The following RAB10 variants were observed in gnomAD, a reference collection of about 807,000 sequenced individuals.
RAB10 encodes ras-related protein Rab-10.
In RAB10, 5 loss-of-function variants were observed where a neutral mutation model predicts 25.7. That is an observed-to-expected ratio of 0.19 (90% CI 0.10 to 0.41). The LOEUF is 0.41. RAB10 is among the 10% of genes least tolerant of loss of function. The pLI is 1.00. For missense variants in RAB10, 103 were observed against 245.8 expected, an observed-to-expected ratio of 0.42 and a Z score of 3.89; for synonymous variants, 89 against 86.4, an observed-to-expected ratio of 1.03 and a Z score of -0.16.
chr2:26,047,640 C>T (rs549710271), intron 1 of RAB10, among the ~76,000 whole-genome samples: 3 of 151,692 alleles, frequency 2.0e-5, no homozygotes, highest in Admixed American at 1.3e-4. Context: ...TGGTCTTGAA[C>T]GCCTGACCTC....
At chr2:26,049,983 CTT>C (rs753121086) in intron 1 of RAB10, among the ~76,000 whole-genome samples, 26 of 152,298 alleles carry the variant, frequency 1.7e-4, no homozygotes, top group Non-Finnish European at 3.5e-4. Flanking sequence ...CTGCTAGATA[CTT>C]TCTCTGTCCT....
In RAB10 at chr2:26,121,425, TCTTC is replaced by T. The variant is rs1159147038; in HGVS notation, c.328-5714_328-5711del. Among the ~76,000 whole-genome samples the T allele has an allele frequency of 3.9e-5, 6 of 152,260 alleles. No individual in the cohort carries two copies. The East Asian group carries it at 9.6e-4, about 24-fold the overall frequency. On this transcript the variant is annotated intron_variant, in intron 3 of 5. Transcript: ENST00000264710. ...TCTCAAACTCCAGGGGTCAAGTGAT[TCTTC>T]CTTCTCAGCCTCCCAAGAAGCTGGG...
At chr2:26,074,557 T>C (rs1024402291) in intron 1 of RAB10, among the ~76,000 whole-genome samples, 12 of 152,200 alleles carry the variant, frequency 7.9e-5, no homozygotes, top group African/African-American at 2.9e-4. Flanking sequence ...TAGCTGGGAT[T>C]ACAGGCATCT....
rs1315629366 is a variant in RAB10, at chr2:26,039,855, AAAAATT to A, written c.127+5127_127+5132del. 8.5e-5 allele frequency among the ~76,000 whole-genome samples: 13 copies of A among 152,124 alleles called. No homozygotes were observed. The South Asian group carries it at 1.0e-3, about 12-fold the overall frequency. On this transcript the variant is annotated intron_variant, in intron 1 of 5. Coordinates refer to ENST00000264710, the MANE Select transcript of RAB10 (RefSeq NM_016131.5). ...TAGTGAGACCCTGTCTGTATGAAAA[AAAAATT>A]AAAATTGTTGAGATATTTCACATTC...
intron 1 of RAB10, among the ~76,000 whole-genome samples, chr2:26,071,032 CATT>C (rs1666614404): frequency 1.3e-5 from 2 of 152,180 alleles, no homozygotes; most frequent in Non-Finnish European, 2.9e-5. Context: ...GACTAGTAGT[CATT>C]GTATTTACCA....
At position 26,112,393 on chromosome 2, in the gene RAB10, C is replaced by T. The variant is rs537916379; in HGVS notation, c.327+2487C>T. The stretch of plus-strand genomic sequence containing the variant: ...TAGATAGGAGCCTTGTCATCAGTCA[C>T]CTCATTAGCATAAACTCATTATAGT... On this transcript the variant is annotated intron_variant, in intron 3 of 5. Coordinates refer to ENST00000264710, the MANE Select transcript of RAB10 (RefSeq NM_016131.5). Among the ~76,000 whole-genome samples the T allele has an allele frequency of 4.3e-4, 65 of 152,192 alleles. 2 individuals are homozygous for T. The South Asian group carries it at 0.013, about 30-fold the overall frequency.
At chr2:26,062,591 T>G (rs1454049978) in intron 1 of RAB10, among the ~76,000 whole-genome samples, 1 of 152,034 alleles carries the variant, frequency 6.6e-6, no homozygotes, top group African/African-American at 2.4e-5. Context: ...GGCACGAGAA[T>G]TGCTTGAACC....
chr2:26,101,638 TG>T (rs1196209858), intron 2 of RAB10: 1 of 152,220 alleles, frequency 6.6e-6, no homozygotes, highest in African/African-American at 2.4e-5. Flanking sequence ...AGTGGTTACC[TG>T]GCAAGGGACT....
intron 2 of RAB10, among the ~76,000 whole-genome samples, chr2:26,100,494 C>A (rs552798094): frequency 1.3e-5 from 2 of 152,062 alleles, no homozygotes; most frequent in African/African-American, 4.8e-5. Context: ...AGAAGTGATA[C>A]GTTTCTAGGA....
Position 26,067,676 on chromosome 2 carries a change from G to C in RAB10, c.128-30986G>C, listed in dbSNP as rs945935749. On this transcript the variant is annotated intron_variant, in intron 1 of 5. Coordinates refer to ENST00000264710, the MANE Select transcript of RAB10 (RefSeq NM_016131.5). ...TTGTAAAGGGTTAAGAAAAGAGGCA[G>C]ACTACCACTAGTCATCTTGTTAGAT... 1.2e-4 allele frequency among the ~76,000 whole-genome samples: 19 copies of C among 152,340 alleles called. No homozygotes were observed. In the Middle Eastern group the frequency reaches 0.01, roughly 82 times the overall value.
chr2:26,100,906 A>G (rs924144711), intron 2 of RAB10, among the ~76,000 whole-genome samples: 5 of 151,848 alleles, frequency 3.3e-5, no homozygotes, highest in African/African-American at 1.2e-4. Context: ...TCACACCCAT[A>G]GGGACAGGAG....
In RAB10 at chr2:26,052,552, C is replaced by G. The variant is rs189711401; in HGVS notation, c.127+17817C>G. Among the ~76,000 whole-genome samples the G allele has an allele frequency of 6.2e-4, 90 of 145,028 alleles. No homozygotes were observed. The Middle Eastern group carries it at 0.011, about 18-fold the overall frequency. ...TCTTGTTTCTGGAGCCATTCTGTTT[C>G]TCCAGAGAAAGACTCAGATCACCTG... On this transcript the variant is annotated intron_variant, in intron 1 of 5. Coordinates refer to ENST00000264710, the MANE Select transcript of RAB10 (RefSeq NM_016131.5).
At position 26,034,745 on chromosome 2, in the gene RAB10, G is replaced by A. The variant is rs1482254785; in HGVS notation, c.127+10G>A. 6.2e-7 allele frequency: 1 copy of A among 1,614,108 alleles called. No individual in the cohort carries two copies. The highest frequency in any genetic ancestry group is 8.5e-7 in the Non-Finnish European group (1 of 1,179,972). ...TTTATTTCCACCATAGGTAAGACCT[G>A]TGGGAGGACGGTGTACGGTCTCGGT... On this transcript the variant is annotated intron_variant, in intron 1 of 5. Transcript: ENST00000264710.
chr2:26,046,313 G>A (rs1666002202), intron 1 of RAB10, among the ~76,000 whole-genome samples: 1 of 150,392 alleles, frequency 6.6e-6, no homozygotes, highest in African/African-American at 2.5e-5. Context: ...CAACAAGAGT[G>A]AAACTCCGTC....
chr2:26,076,061 G>A (rs1431637843), intron 1 of RAB10, among the ~76,000 whole-genome samples: 4 of 152,170 alleles, frequency 2.6e-5, no homozygotes, highest in Non-Finnish European at 5.9e-5. Context: ...AAATTGAGTA[G>A]CTAGAGTAGT....
Position 26,107,079 on chromosome 2 carries a change from C to G in RAB10, c.189-2689C>G, listed in dbSNP as rs997822933. 3.3e-5 allele frequency among the ~76,000 whole-genome samples: 5 copies of G among 151,968 alleles called. 1 individual carries two copies. In the East Asian group the frequency reaches 9.7e-4, roughly 30 times the overall value. On this transcript the variant is annotated intron_variant, in intron 2 of 5. Coordinates refer to ENST00000264710, the MANE Select transcript of RAB10 (RefSeq NM_016131.5). ...TGGCCAACATGGCGAAAACCCATCT[C>G]TACTAAAAATATAAAAATTAGCTGC...
intron 1 of RAB10, among the ~76,000 whole-genome samples, chr2:26,097,296 C>T (rs1387312492): frequency 2.0e-5 from 3 of 152,056 alleles, no homozygotes; most frequent in African/African-American, 4.8e-5. Context: ...GTTTTTGAGA[C>T]GGAGTCTCAC....
intron 1 of RAB10, among the ~76,000 whole-genome samples, chr2:26,051,832 C>T (rs1379906787): frequency 2.0e-5 from 3 of 149,638 alleles, no homozygotes; most frequent in Non-Finnish European, 3.0e-5. Flanking sequence ...CTGAGGCAGG[C>T]GGATCAGGAG....
intron 3 of RAB10, among the ~76,000 whole-genome samples, chr2:26,118,195 A>G (rs1197283718): frequency 6.6e-6 from 1 of 151,640 alleles, no homozygotes; most frequent in African/African-American, 2.4e-5. Context: ...CCAGTCTCGA[A>G]CTCCTGACCT....
Sources: gnomAD v4.1 joint callset for allele counts (sites outside exome capture counted in the v4.1 genomes callset) on GRCh38, gnomAD v4.1.1 for gene constraint, MANE v1.5 for transcripts, NCBI Gene and HGNC (gene_info 2026-07-23, HGNC 2026-07-21) for gene names.